The following CDIN1 variants were observed in gnomAD, a reference collection of about 807,000 sequenced individuals.
CDIN1 encodes CDAN1 interacting nuclease 1, also known as CDAN1-interacting nuclease 1.
CDIN1 carries 33 observed loss-of-function variants against 45.3 expected under a neutral mutation model. The observed-to-expected ratio is 0.73, with a 90% CI of 0.55 to 0.97. The LOEUF (loss-of-function observed/expected upper bound fraction) is 0.97, where lower values mean the gene tolerates loss of function less well. CDIN1 is among the 50% of genes least tolerant of loss of function. The pLI, the probability that CDIN1 is intolerant of heterozygous loss-of-function variation, is 0.00. For missense variants in CDIN1, 303 were observed against 339.4 expected (o/e 0.89, Z 0.84); for synonymous variants, 118 against 124.4 (o/e 0.95, Z 0.34).
chr15:36,664,433 TG>T (rs1026544416), intron 5 of CDIN1, among the ~76,000 whole-genome samples: 1 of 152,280 alleles, frequency 6.6e-6, no homozygotes, highest in African/African-American at 2.4e-5. Context: ...AATTTTCATT[TG>T]TATACCTACA....
chr15:36,765,675 C>T (rs958557576), intron 10 of CDIN1, among the ~76,000 whole-genome samples: 2 of 151,812 alleles, frequency 1.3e-5, no homozygotes, highest in Non-Finnish European at 2.9e-5. Flanking sequence ...TATCCTTTTT[C>T]CTAAATTATG....
intron 8 of CDIN1, among the ~76,000 whole-genome samples, chr15:36,700,978 C>G (rs2042610393): frequency 6.6e-6 from 1 of 151,870 alleles, no homozygotes; most frequent in African/African-American, 2.4e-5. Context: ...GCCAAAGTGG[C>G]AGGATCACTT....
chr15:36,678,536 G>A (rs140795958), intron 5 of CDIN1, among the ~76,000 whole-genome samples: 2 of 152,264 alleles, frequency 1.3e-5, no homozygotes, highest in African/African-American at 2.4e-5. Context: ...CTGTTTGTGT[G>A]TGTGTTTTAA....
intron 3 of CDIN1, among the ~76,000 whole-genome samples, chr15:36,652,559 A>T (rs1327000252): frequency 6.6e-6 from 1 of 152,132 alleles, no homozygotes; most frequent in East Asian, 1.9e-4. Flanking sequence ...CCTGTTTCCC[A>T]GGGACCTTTC....
At chr15:36,798,094 C>A (rs1787600170) in intron 10 of CDIN1, among the ~76,000 whole-genome samples, 1 of 149,116 alleles carries the variant, frequency 6.7e-6, no homozygotes, top group Admixed American at 6.7e-5. Context: ...TCTTCTAGGG[C>A]AAGGGACTGT....
intron 10 of CDIN1, among the ~76,000 whole-genome samples, chr15:36,775,502 G>C (rs989106379): frequency 6.6e-6 from 1 of 152,178 alleles, no homozygotes; most frequent in Non-Finnish European, 1.5e-5. Flanking sequence ...GCCTGGGTCA[G>C]GCAGCAGTGC....
intron 10 of CDIN1, among the ~76,000 whole-genome samples, chr15:36,796,861 T>TAAC (rs1386787314): frequency 6.6e-6 from 1 of 152,264 alleles, no homozygotes; most frequent in East Asian, 1.9e-4. Context: ...TTAAAATTTC[T>TAAC]AACTATAAAG....
chr15:36,670,904 G>GA (rs930296824), intron 5 of CDIN1, among the ~76,000 whole-genome samples: 20 of 148,264 alleles, frequency 1.3e-4, no homozygotes, highest in East Asian at 7.9e-4. Flanking sequence ...TTTACATGAG[G>GA]AAAAAAAAAC....
chr15:36,665,127 G>A (rs1375731883), intron 5 of CDIN1, among the ~76,000 whole-genome samples: 1 of 152,114 alleles, frequency 6.6e-6, no homozygotes, highest in Non-Finnish European at 1.5e-5. Context: ...TCTTTGGTTA[G>A]GCATTTTCTT....
At chr15:36,716,771 T>C (rs1307269308) in intron 10 of CDIN1, among the ~76,000 whole-genome samples, 1 of 152,194 alleles carries the variant, frequency 6.6e-6, no homozygotes, top group Non-Finnish European at 1.5e-5. Flanking sequence ...GCTTATCTGC[T>C]TCCAAACAGA....
At chr15:36,672,641 A>AT in intron 5 of CDIN1, among the ~76,000 whole-genome samples, 1 of 152,136 alleles carries the variant, frequency 6.6e-6, no homozygotes, top group African/African-American at 2.4e-5. Flanking sequence ...CTCAAATTCA[A>AT]TTAAGCAAGG....
chr15:36,613,933 C>T (rs550530504), intron 1 of CDIN1: 14 of 1,555,536 alleles, frequency 9.0e-6, no homozygotes, highest in Middle Eastern at 1.7e-4. Context: ...GCCCCATTGC[C>T]GAGAGATGGA....
intron 5 of CDIN1, among the ~76,000 whole-genome samples, chr15:36,689,691 A>G (rs769202696): frequency 7.2e-5 from 11 of 152,136 alleles, no homozygotes; most frequent in African/African-American, 1.2e-4. Context: ...TATTTTTTTA[A>G]TACTATTGCT....
At chr15:36,714,275 T>C (rs2043149501) in intron 10 of CDIN1, among the ~76,000 whole-genome samples, 1 of 152,178 alleles carries the variant, frequency 6.6e-6, no homozygotes, top group Non-Finnish European at 1.5e-5. Context: ...GAGAACTAAA[T>C]GACAAATGCA....
chr15:36,679,793 C>T (rs904797321), intron 5 of CDIN1, among the ~76,000 whole-genome samples: 2 of 152,106 alleles, frequency 1.3e-5, no homozygotes, highest in Non-Finnish European at 2.9e-5. Context: ...CCTTACTTCT[C>T]TAAGTCTTGT....
intron 5 of CDIN1, among the ~76,000 whole-genome samples, chr15:36,672,410 A>G (rs2041484896): frequency 6.6e-6 from 1 of 152,026 alleles, no homozygotes; most frequent in African/African-American, 2.4e-5. Flanking sequence ...GGCTCTTGGG[A>G]GATCTCAGGA....
chr15:36,648,134 C>T (rs890562098), intron 3 of CDIN1, among the ~76,000 whole-genome samples: 10 of 151,980 alleles, frequency 6.6e-5, no homozygotes, highest in Admixed American at 5.2e-4. Flanking sequence ...CCACCGTGCC[C>T]GGCTGTGATA....
chr15:36,743,358 T>C (rs938973470), intron 10 of CDIN1, among the ~76,000 whole-genome samples: 1 of 152,212 alleles, frequency 6.6e-6, no homozygotes. Context: ...GTGCTTAGCC[T>C]AAACATAACC....
At chr15:36,730,523 C>G (rs1302360888) in intron 10 of CDIN1, among the ~76,000 whole-genome samples, 1 of 152,038 alleles carries the variant, frequency 6.6e-6, no homozygotes, top group East Asian at 1.9e-4. Flanking sequence ...TCTTTTTCAA[C>G]TGAATTGACC....
Sources: allele counts gnomAD v4.1 joint callset (sites outside exome capture counted in the v4.1 genomes callset), GRCh38; gene constraint gnomAD v4.1.1; transcripts MANE v1.5; gene names NCBI Gene and HGNC (gene_info 2026-07-23, HGNC 2026-07-21).